Variants in ESYT2 observed in about 807,000 individuals in gnomAD.
ESYT2 encodes extended synaptotagmin-2.
ESYT2 carries 54 observed loss-of-function variants against 107.2 expected under a neutral mutation model. That is an observed-to-expected ratio of 0.50 (90% CI 0.40 to 0.63). ESYT2 has a LOEUF of 0.63. ESYT2 is among the 30% of genes least tolerant of loss of function. ESYT2 has a pLI of 0.00. For missense variants in ESYT2, 1,020 were observed against 1,094.5 expected (o/e 0.93, Z 0.96); for synonymous variants, 491 against 434.1 (o/e 1.13, Z -1.63).
At chr7:158,761,417 G>A (rs1837955709) in intron 11 of ESYT2, 79 bp downstream of exon 11, 2 of 1,205,106 alleles carry the variant, frequency 1.7e-6, no homozygotes, top group South Asian at 1.2e-5. Flanking sequence ...ATGGTGAAGG[G>A]GTGGTTCGTG....
At chr7:158,752,679 C>T (rs968940019) in intron 14 of ESYT2, 102 bp downstream of exon 14, 4 of 692,612 alleles carry the variant, frequency 5.8e-6, no homozygotes, top group Middle Eastern at 3.0e-4. Context: ...TTAATTACTA[C>T]ATAAATATGG....
At chr7:158,776,035 GA>G (rs1838549643) in intron 6 of ESYT2, among the ~76,000 whole-genome samples, 1 of 152,214 alleles carries the variant, frequency 6.6e-6, no homozygotes, top group African/African-American at 2.4e-5. Context: ...TCTCCTGGGT[GA>G]CCAGGTGCAC....
At chr7:158,769,519 T>C (rs1335404910) in intron 7 of ESYT2, among the ~76,000 whole-genome samples, 1 of 152,226 alleles carries the variant, frequency 6.6e-6, no homozygotes, top group African/African-American at 2.4e-5. Flanking sequence ...GAAGCGTCTA[T>C]TGAAGTGGTT....
rs1259956312 is a variant in ESYT2, at chr7:158,734,134, A to G, written c.*73T>C. 1 of 1,480,704 alleles carries G rather than the reference A, an allele frequency of 6.8e-7. No homozygotes were observed. The highest frequency in any genetic ancestry group is 9.4e-7 in the Non-Finnish European group (1 of 1,064,420). 91.7% of individuals were successfully genotyped at this position (1,480,704 alleles called of 1,614,324 possible). On this transcript the variant is annotated 3_prime_UTR_variant, in exon 23 of 23. Transcript: ENST00000275418. Reference sequence around the variant, plus strand: ...ATGAAATTATAAAAATAACATTGGTACGTCTGTGAGAGGGTGTGTTCCGGG... The same window carrying G: ...ATGAAATTATAAAAATAACATTGGTGCGTCTGTGAGAGGGTGTGTTCCGGG...
chr7:158,754,749 G>T (rs1345365697), intron 13 of ESYT2, among the ~76,000 whole-genome samples: 1 of 152,258 alleles, frequency 6.6e-6, no homozygotes, highest in East Asian at 1.9e-4. Context: ...CAAGCACCCC[G>T]ACTCTGGGCC....
Position 158,761,212 on chromosome 7 carries a change from G to A in ESYT2, c.1233+284C>T, listed in dbSNP as rs1011248295. 6.6e-5 allele frequency among the ~76,000 whole-genome samples: 10 copies of A among 152,148 alleles called. 1 individual carries two copies. The highest frequency in any genetic ancestry group is 2.2e-4 in the African/African-American group (9 of 41,412). On this transcript the variant is annotated intron_variant, in intron 11 of 22. Coordinates refer to ENST00000275418, the MANE Select transcript of ESYT2 (RefSeq NM_001367773.1). ...CCTGCCCTTACTCCTGCAGGGGATCGCATATTTGTCTGCAATAACGTCAGT... is the reference window on the plus strand; with the variant it reads ...CCTGCCCTTACTCCTGCAGGGGATCACATATTTGTCTGCAATAACGTCAGT...
At chr7:158,759,640 C>G (rs896859) in intron 12 of ESYT2, 59 bp from the exon 13 acceptor site, 1,014,465 of 1,377,220 alleles carry the variant, frequency 0.74, 383,423 homozygotes, top group Non-Finnish European at 0.78. Flanking sequence ...GATACTATTT[C>G]TATCTGATTG....
intron 12 of ESYT2, 101 bp downstream of exon 12, chr7:158,759,957 T>C (rs893097486): frequency 9.8e-7 from 1 of 1,016,390 alleles, no homozygotes; most frequent in Non-Finnish European, 1.5e-6. Context: ...ATTACTGCTA[T>C]AATTGTTAAA....
At position 158,782,038 on chromosome 7, in the gene ESYT2, C is replaced by T. The variant is rs190836597; in HGVS notation, c.747+5966G>A. Among the ~76,000 whole-genome samples, 299 of 149,116 alleles carry T rather than the reference C, an allele frequency of 2.0e-3. 1 individual carries two copies. Among genetic ancestry groups the T allele is most frequent in the African/African-American group, 7.0e-3 (280 of 39,880 alleles). On this transcript the variant is annotated intron_variant, in intron 6 of 22. Coordinates refer to ENST00000275418, the MANE Select transcript of ESYT2 (RefSeq NM_001367773.1). Reference sequence around the variant, plus strand: ...ACAAAGTGAGGTGTAAGTGCAAGAACGAGAACAAGTGTGAGTGAACGTGTG... The same window carrying T: ...ACAAAGTGAGGTGTAAGTGCAAGAATGAGAACAAGTGTGAGTGAACGTGTG...
intron 8 of ESYT2, among the ~76,000 whole-genome samples, chr7:158,766,922 T>G (rs1488696338): frequency 6.6e-6 from 1 of 152,142 alleles, no homozygotes; most frequent in Non-Finnish European, 1.5e-5. Context: ...CACCCACCCC[T>G]TCCATAGTCA....
intron 10 of ESYT2, among the ~76,000 whole-genome samples, chr7:158,762,228 G>A (rs1195267211): frequency 6.6e-6 from 1 of 151,946 alleles, no homozygotes; most frequent in African/African-American, 2.4e-5. Flanking sequence ...CACAATCTAT[G>A]TCTACACCGC....
intron 1 of ESYT2, among the ~76,000 whole-genome samples, chr7:158,815,381 T>C (rs1840122595): frequency 6.6e-6 from 1 of 152,096 alleles, no homozygotes; most frequent in African/African-American, 2.4e-5. Context: ...CAGCCATCAT[T>C]TCTACACCCT....
chr7:158,782,556 C>T lies in ESYT2; in HGVS notation c.747+5448G>A, dbSNP rs572389162. Among the ~76,000 whole-genome samples the T allele has an allele frequency of 8.4e-5, 11 of 130,240 alleles. No homozygotes were observed. The East Asian group carries it at 1.1e-3, about 13-fold the overall frequency. 85.4% of individuals were successfully genotyped at this position (130,240 alleles called of 152,430 possible). A position where few individuals can be genotyped will look rare whatever the true frequency, so the allele number is the denominator to read the frequency against. Reference sequence around the variant, plus strand: ...GTAAGAAAATGAGTGTGAGAAGCAGCGGGAAAGTGGGAGTGTGAGAACAAA... The same window carrying T: ...GTAAGAAAATGAGTGTGAGAAGCAGTGGGAAAGTGGGAGTGTGAGAACAAA... On this transcript the variant is annotated intron_variant, in intron 6 of 22. Transcript: ENST00000275418.
intron 1 of ESYT2, among the ~76,000 whole-genome samples, chr7:158,817,180 G>C (rs536787537): frequency 6.6e-6 from 1 of 152,326 alleles, no homozygotes; most frequent in South Asian, 2.1e-4. Flanking sequence ...CCACGATGAG[G>C]GGGTGGGGCA....
At chr7:158,811,146 G>A (rs1346893183) in intron 1 of ESYT2, among the ~76,000 whole-genome samples, 1 of 151,860 alleles carries the variant, frequency 6.6e-6, no homozygotes, top group African/African-American at 2.4e-5. Flanking sequence ...GCAACAGAAT[G>A]ACACTGTCTC....
chr7:158,765,217 G>C (rs1311295564), intron 8 of ESYT2, among the ~76,000 whole-genome samples: 1 of 152,120 alleles, frequency 6.6e-6, no homozygotes, highest in East Asian at 1.9e-4. Flanking sequence ...ACAGTACCAT[G>C]CTTATCTCAA....
At chr7:158,807,621 T>G (rs1164842476) in intron 1 of ESYT2, among the ~76,000 whole-genome samples, 2 of 152,222 alleles carry the variant, frequency 1.3e-5, no homozygotes, top group East Asian at 3.8e-4. Context: ...TTCCCAATTA[T>G]AGCCTGTGTG....
chr7:158,785,792 C>G (rs553190335), intron 6 of ESYT2, among the ~76,000 whole-genome samples: 1 of 152,168 alleles, frequency 6.6e-6, no homozygotes, highest in African/African-American at 2.4e-5. Flanking sequence ...AACTTCGTCA[C>G]CTCAGCAATA....
At chr7:158,764,589 C>A in intron 9 of ESYT2, 88 bp downstream of exon 9, 1 of 1,345,130 alleles carries the variant, frequency 7.4e-7, no homozygotes, top group South Asian at 1.4e-5. Context: ...AGCCACACTC[C>A]CACGTGACTG....
Sources: gnomAD v4.1 joint callset for allele counts (sites outside exome capture counted in the v4.1 genomes callset) on GRCh38, gnomAD v4.1.1 for gene constraint, MANE v1.5 for transcripts, NCBI Gene and HGNC (gene_info 2026-07-23, HGNC 2026-07-21) for gene names.